SPAG16: variants seen among roughly 807,000 people sequenced by gnomAD.
SPAG16 encodes sperm associated antigen 16, also known as sperm-associated antigen 16 protein.
A neutral mutation model predicts 80.4 loss-of-function variants in SPAG16; 86 were observed. The observed-to-expected ratio is 1.07, with a 90% CI of 0.90 to 1.28. The LOEUF (loss-of-function observed/expected upper bound fraction) is 1.28, where lower values mean the gene tolerates loss of function less well. SPAG16 is among the 50% of genes most tolerant of loss of function. The pLI, the probability that SPAG16 is intolerant of heterozygous loss-of-function variation, is 0.00. For missense variants in SPAG16, 870 were observed against 765.3 expected, an observed-to-expected ratio of 1.14 and a Z score of -1.61; for synonymous variants, 294 against 265.9, an observed-to-expected ratio of 1.11 and a Z score of -1.03.
intron 15 of SPAG16, among the ~76,000 whole-genome samples, chr2:214,286,116 C>T (rs980058405): frequency 2.6e-4 from 40 of 152,064 alleles, no homozygotes; most frequent in African/African-American, 9.2e-4. Context: ...CTATATGGAA[C>T]CAAAAATATT....
intron 15 of SPAG16, among the ~76,000 whole-genome samples, chr2:214,394,818 C>T (rs1028906306): frequency 2.0e-5 from 3 of 152,094 alleles, no homozygotes; most frequent in Non-Finnish European, 2.9e-5. Context: ...ACTATGGTAT[C>T]GCAGAATAGT....
intron 15 of SPAG16, among the ~76,000 whole-genome samples, chr2:214,331,475 A>G (rs1696909733): frequency 6.6e-6 from 1 of 152,216 alleles, no homozygotes; most frequent in Non-Finnish European, 1.5e-5. Flanking sequence ...CATCCACATT[A>G]CTTAAAGTTA....
At position 213,869,291 on chromosome 2, in the gene SPAG16, A is replaced by ATATATATGTGTG. The variant is rs1449042675; in HGVS notation, c.1214+6664_1214+6665insATATATGTGTGT. ...TATATATATATATATGTATATATATATGTATATATATATATAATATGTATA... is the reference window on the plus strand; with the variant it reads ...TATATATATATATATGTATATATATATATATATGTGTGTGTATATATATATATAATATGTATA... On this transcript the variant is annotated intron_variant, in intron 11 of 15. Coordinates refer to ENST00000331683, the MANE Select transcript of SPAG16 (RefSeq NM_024532.5). Among the ~76,000 whole-genome samples the ATATATATGTGTG allele has an allele frequency of 5.7e-4, 70 of 123,252 alleles. 2 individuals carry two copies. The highest frequency in any genetic ancestry group is 1.6e-3 in the African/African-American group (59 of 36,392). 80.9% of individuals were successfully genotyped at this position (123,252 alleles called of 152,430 possible).
chr2:213,829,583 C>A (rs2125713131), intron 10 of SPAG16, among the ~76,000 whole-genome samples: 1 of 152,230 alleles, frequency 6.6e-6, no homozygotes, highest in Non-Finnish European at 1.5e-5. Flanking sequence ...TTCTTTCTAG[C>A]CACCACAGCT....
intron 10 of SPAG16, among the ~76,000 whole-genome samples, chr2:213,861,644 A>G (rs1243922565): frequency 6.6e-6 from 1 of 152,214 alleles, no homozygotes; most frequent in Non-Finnish European, 1.5e-5. Flanking sequence ...ATTACATTGT[A>G]AGGCATAGAT....
intron 8 of SPAG16, chr2:213,364,836 A>C (rs936640318): frequency 6.6e-6 from 1 of 152,250 alleles, no homozygotes; most frequent in Non-Finnish European, 1.5e-5. Flanking sequence ...TTAAGTAGTG[A>C]TGCGAAACAT....
intron 10 of SPAG16, among the ~76,000 whole-genome samples, chr2:213,854,861 A>G (rs1417173684): frequency 6.6e-6 from 1 of 152,270 alleles, no homozygotes; most frequent in Admixed American, 6.5e-5. Context: ...CCCACAGGCC[A>G]AACCTAGCCC....
intron 9 of SPAG16, among the ~76,000 whole-genome samples, chr2:213,384,234 C>A (rs527771399): frequency 2.0e-5 from 3 of 152,262 alleles, no homozygotes; most frequent in East Asian, 3.9e-4. Flanking sequence ...ATGAACTTGA[C>A]AGGGAAAGGA....
At chr2:214,263,419 C>A (rs1056527777) in intron 15 of SPAG16, among the ~76,000 whole-genome samples, 3 of 152,106 alleles carry the variant, frequency 2.0e-5, no homozygotes, top group African/African-American at 4.8e-5. Flanking sequence ...GAAATCATTT[C>A]TGTTATAAGC....
intron 10 of SPAG16, among the ~76,000 whole-genome samples, chr2:213,842,907 G>A (rs2074432707): frequency 6.6e-6 from 1 of 152,126 alleles, no homozygotes. Context: ...CTAGGCTACA[G>A]GCATATGCCA....
At chr2:213,357,568 A>G (rs751583094) in intron 7 of SPAG16, among the ~76,000 whole-genome samples, 3 of 152,164 alleles carry the variant, frequency 2.0e-5, no homozygotes, top group Non-Finnish European at 4.4e-5. Context: ...ATCAGAGACT[A>G]GGATTGCAAC....
intron 12 of SPAG16, among the ~76,000 whole-genome samples, chr2:213,991,819 G>T (rs2046293908): frequency 1.3e-5 from 2 of 151,962 alleles, no homozygotes; most frequent in South Asian, 4.2e-4. Context: ...AATTAATCTA[G>T]TGGTTCACCA....
At chr2:214,145,136 T>C (rs762793893) in intron 14 of SPAG16, among the ~76,000 whole-genome samples, 1 of 152,108 alleles carries the variant, frequency 6.6e-6, no homozygotes, top group Non-Finnish European at 1.5e-5. Context: ...AAATTATTAA[T>C]GACCTCATTA....
intron 10 of SPAG16, among the ~76,000 whole-genome samples, chr2:213,773,219 T>C (rs114408688): frequency 0.012 from 1,804 of 152,292 alleles, 30 homozygotes; most frequent in African/African-American, 0.041. Context: ...TCTACGGAAT[T>C]CTGTTTTATA....
chr2:213,813,452 G>T (rs1465681756), intron 10 of SPAG16, among the ~76,000 whole-genome samples: 5 of 152,132 alleles, frequency 3.3e-5, no homozygotes, highest in Admixed American at 2.6e-4. Context: ...ATGGAGGGCA[G>T]GCGGGAGACC....
intron 14 of SPAG16, among the ~76,000 whole-genome samples, chr2:214,138,797 A>G (rs2055196810): frequency 6.6e-6 from 1 of 152,188 alleles, no homozygotes. Flanking sequence ...AGTTTGGAAA[A>G]TACAGGGAGG....
At chr2:213,348,746 A>C (rs1320302800) in intron 6 of SPAG16, among the ~76,000 whole-genome samples, 3 of 152,212 alleles carry the variant, frequency 2.0e-5, no homozygotes, top group African/African-American at 7.2e-5. Flanking sequence ...CCAGGAGATC[A>C]GCTGTTAGTC....
intron 15 of SPAG16, among the ~76,000 whole-genome samples, chr2:214,333,328 T>C (rs1200418457): frequency 1.3e-5 from 2 of 152,230 alleles, no homozygotes; most frequent in African/African-American, 4.8e-5. Flanking sequence ...AGCAAAGCTA[T>C]GTTTTAATCA....
intron 10 of SPAG16, among the ~76,000 whole-genome samples, chr2:213,815,729 C>T (rs1443395340): frequency 1.3e-5 from 2 of 151,848 alleles, no homozygotes; most frequent in Admixed American, 6.6e-5. Flanking sequence ...TCAAAGTAAC[C>T]ACAAATGAAA....
Sources: allele counts gnomAD v4.1 joint callset (sites outside exome capture counted in the v4.1 genomes callset), GRCh38; gene constraint gnomAD v4.1.1; transcripts MANE v1.5; gene names NCBI Gene and HGNC (gene_info 2026-07-23, HGNC 2026-07-21).